MACROD2: variants seen among roughly 807,000 people sequenced by gnomAD.
The protein encoded by MACROD2 is mono-ADP ribosylhydrolase 2, also known as ADP-ribose glycohydrolase MACROD2.
In MACROD2, 36 loss-of-function variants were observed where a neutral mutation model predicts 70.4. That is an observed-to-expected ratio of 0.51 (90% CI 0.39 to 0.68). The LOEUF is 0.68. Ranked by LOEUF, MACROD2 falls within the 30% of genes least tolerant of loss-of-function variation. The probability of loss-of-function intolerance (pLI) is 0.00; values close to 1 mark genes in which losing one functional copy is unlikely to be tolerated. For synonymous variants in MACROD2, 172 were observed against 178.8 expected, an observed-to-expected ratio of 0.96 and a Z score of 0.30; for missense variants, 496 against 538.4, an observed-to-expected ratio of 0.92 and a Z score of 0.78.
At chr20:15,869,210 C>CATT (rs1555788799) in intron 9 of MACROD2, among the ~76,000 whole-genome samples, 1 of 51,892 alleles carries the variant, frequency 1.9e-5, no homozygotes, top group African/African-American at 6.0e-5. Context: ...ATGTGATTAA[C>CATT]ATATATATAT....
At chr20:15,377,529 G>T (rs1388436705) in intron 6 of MACROD2, among the ~76,000 whole-genome samples, 3 of 152,038 alleles carry the variant, frequency 2.0e-5, no homozygotes, top group Non-Finnish European at 2.9e-5. Flanking sequence ...TTATCTTTCA[G>T]CTCTCAAGTA....
At chr20:16,000,037 A>C (rs759425572) in intron 15 of MACROD2, among the ~76,000 whole-genome samples, 21 of 152,218 alleles carry the variant, frequency 1.4e-4, no homozygotes, top group Non-Finnish European at 2.6e-4. Context: ...AAATTATTAC[A>C]GTTATCGCAC....
At chr20:14,369,196 T>C (rs2083300495) in intron 3 of MACROD2, among the ~76,000 whole-genome samples, 1 of 152,252 alleles carries the variant, frequency 6.6e-6, no homozygotes, top group South Asian at 2.1e-4. Context: ...GAATCTCTGC[T>C]GCATTTCTCC....
intron 4 of MACROD2, among the ~76,000 whole-genome samples, chr20:14,634,119 T>G (rs1363568124): frequency 6.6e-6 from 1 of 152,188 alleles, no homozygotes; most frequent in Non-Finnish European, 1.5e-5. Flanking sequence ...CCCCCACTTC[T>G]GACATGCCTT....
intron 6 of MACROD2, among the ~76,000 whole-genome samples, chr20:15,390,550 G>T (rs1358150479): frequency 6.6e-6 from 1 of 152,082 alleles, no homozygotes; most frequent in Non-Finnish European, 1.5e-5. Context: ...ATTAAACATA[G>T]ATGCAGAATG....
intron 5 of MACROD2, among the ~76,000 whole-genome samples, chr20:14,769,512 T>C (rs545241162): frequency 1.3e-5 from 2 of 152,292 alleles, no homozygotes; most frequent in East Asian, 3.9e-4. Flanking sequence ...TACACTGCTC[T>C]GTAAATATCT....
chr20:14,845,826 A>G (rs2073134120), intron 5 of MACROD2, among the ~76,000 whole-genome samples: 1 of 152,072 alleles, frequency 6.6e-6, no homozygotes, highest in Non-Finnish European at 1.5e-5. Context: ...GACCAGTCAG[A>G]TTTGGCTGAC....
At chr20:14,717,334 A>G (rs901398807) in intron 5 of MACROD2, among the ~76,000 whole-genome samples, 3 of 152,326 alleles carry the variant, frequency 2.0e-5, no homozygotes, top group Non-Finnish European at 4.4e-5. Flanking sequence ...TTCAGAGGAC[A>G]CTGTGTGTGT....
intron 8 of MACROD2, among the ~76,000 whole-genome samples, chr20:15,783,579 A>G (rs1488974433): frequency 6.6e-6 from 1 of 152,144 alleles, no homozygotes; most frequent in African/African-American, 2.4e-5. Context: ...TTTCTCTTTA[A>G]TGATGCCTTA....
At chr20:15,146,256 G>A (rs1249851048) in intron 5 of MACROD2, among the ~76,000 whole-genome samples, 2 of 151,990 alleles carry the variant, frequency 1.3e-5, no homozygotes, top group African/African-American at 2.4e-5. Flanking sequence ...TTAGTGATAC[G>A]GAATATAGGA....
chr20:14,331,082 A>T (rs1215793708), intron 3 of MACROD2, among the ~76,000 whole-genome samples: 11 of 152,100 alleles, frequency 7.2e-5, no homozygotes, highest in Admixed American at 2.0e-4. Context: ...TATTCCAGGG[A>T]TGATGGTGAG....
chr20:14,664,531 T>C (rs2123543907), intron 4 of MACROD2, among the ~76,000 whole-genome samples: 1 of 152,190 alleles, frequency 6.6e-6, no homozygotes, highest in East Asian at 1.9e-4. Context: ...ATCAACACGT[T>C]AGTTTTGGTG....
chr20:14,561,064 T>G (rs1979399974), intron 4 of MACROD2, among the ~76,000 whole-genome samples: 2 of 151,832 alleles, frequency 1.3e-5, no homozygotes, highest in Admixed American at 1.3e-4. Context: ...ATTAAGATAT[T>G]GTTCAGATAG....
chr20:15,501,545 A>G (rs1359697677), intron 8 of MACROD2, among the ~76,000 whole-genome samples: 3 of 152,168 alleles, frequency 2.0e-5, no homozygotes, highest in African/African-American at 7.2e-5. Context: ...TTTCTACTTA[A>G]TTCACTTGCC....
At chr20:15,770,095 T>C (rs911169904) in intron 8 of MACROD2, among the ~76,000 whole-genome samples, 9 of 97,716 alleles carry the variant, frequency 9.2e-5, no homozygotes, top group Non-Finnish European at 2.1e-4. Context: ...TTTTCTTTTT[T>C]TTTTTTTTTT....
intron 4 of MACROD2, among the ~76,000 whole-genome samples, chr20:14,583,586 A>C (rs1234283781): frequency 6.6e-6 from 1 of 152,186 alleles, no homozygotes; most frequent in Non-Finnish European, 1.5e-5. Flanking sequence ...CTGATTTCAG[A>C]GGAACACTAA....
intron 7 of MACROD2, among the ~76,000 whole-genome samples, chr20:15,449,990 G>A (rs567066955): frequency 1.6e-4 from 24 of 152,020 alleles, no homozygotes; most frequent in Non-Finnish European, 2.6e-4. Context: ...GTGAGACTCC[G>A]TCTCAAAAAA....
At chr20:15,561,891 C>G (rs1183886772) in intron 8 of MACROD2, among the ~76,000 whole-genome samples, 1 of 151,938 alleles carries the variant, frequency 6.6e-6, no homozygotes, top group Non-Finnish European at 1.5e-5. Context: ...GAACAAGAGA[C>G]TATTTAGTAG....
At chr20:14,100,854 C>A (rs1030334417) in intron 3 of MACROD2, among the ~76,000 whole-genome samples, 4 of 133,772 alleles carry the variant, frequency 3.0e-5, no homozygotes, top group Non-Finnish European at 4.8e-5. Context: ...TAATATATAT[C>A]ATATATAATA....
Sources: allele counts gnomAD v4.1 joint callset (sites outside exome capture counted in the v4.1 genomes callset), GRCh38; gene constraint gnomAD v4.1.1; transcripts MANE v1.5; gene names NCBI Gene and HGNC (gene_info 2026-07-23, HGNC 2026-07-21).